Variants in NSD2 observed in about 807,000 individuals in gnomAD.
NSD2 encodes the protein histone-lysine N-methyltransferase NSD2.
NSD2 carries 12 observed loss-of-function variants against 139.0 expected under a neutral mutation model. The ratio of observed to expected loss-of-function variants is 0.09; its 90% CI spans 0.06 to 0.14. NSD2 has a LOEUF of 0.14. NSD2 is among the 10% of genes least tolerant of loss of function. The probability of loss-of-function intolerance (pLI) is 1.00; values close to 1 mark genes in which losing one functional copy is unlikely to be tolerated. For missense variants in NSD2, 1,155 were observed against 1,745.0 expected (o/e 0.66, Z 6.02); for synonymous variants, 669 against 648.7 (o/e 1.03, Z -0.48).
At chr4:1,969,314 C>T (rs1726196084) in intron 18 of NSD2, among the ~76,000 whole-genome samples, 1 of 152,178 alleles carries the variant, frequency 6.6e-6, no homozygotes, top group Admixed American at 6.5e-5. Flanking sequence ...AGGAGACCTC[C>T]ATCAAGCCGA....
intron 1 of NSD2, among the ~76,000 whole-genome samples, chr4:1,893,386 C>G (rs994988931): frequency 5.9e-5 from 9 of 152,232 alleles, no homozygotes; most frequent in African/African-American, 1.9e-4. Flanking sequence ...AGGAGAATCA[C>G]TTGAACCCAG....
chr4:1,885,450 A>G (rs1385529229), intron 1 of NSD2, among the ~76,000 whole-genome samples: 2 of 152,184 alleles, frequency 1.3e-5, no homozygotes, highest in African/African-American at 4.8e-5. Flanking sequence ...GGCCCTGGTC[A>G]TTCTTGTAAG....
chr4:1,886,094 G>A (rs974604838), intron 1 of NSD2, among the ~76,000 whole-genome samples: 3 of 152,342 alleles, frequency 2.0e-5, no homozygotes, highest in South Asian at 2.1e-4. Context: ...AAACTAAAGC[G>A]CGTCCATTGA....
At position 1,942,003 on chromosome 4, in the gene NSD2, C is replaced by G; in HGVS notation, c.1881+2225C>G. On this transcript the variant is annotated intron_variant, in intron 9 of 21. Transcript: ENST00000508803. This position sits in a 1 kb window ranked among gnomAD's most constrained non-coding sequence, Gnocchi z 4.0. ...GTTTGAGGTCCACACTGACACACACCCATTGGGTCACACCCCCTTTGCATG... is the reference window on the plus strand; with the variant it reads ...GTTTGAGGTCCACACTGACACACACGCATTGGGTCACACCCCCTTTGCATG... 1 of 1,128,730 alleles carries G rather than the reference C, an allele frequency of 8.9e-7. No homozygotes were observed. Among genetic ancestry groups the G allele is most frequent in the Non-Finnish European group, 1.1e-6 (1 of 917,054 alleles). The allele number at this position is 1,128,730 out of a possible 1,614,324, so 69.9% of individuals were successfully genotyped here.
In NSD2 at chr4:1,980,692, G is replaced by A. The variant is rs1264597536; in HGVS notation, c.*1783G>A. 1 of 232,968 alleles carries A rather than the reference G, an allele frequency of 4.3e-6. No individual in the cohort carries two copies. Among genetic ancestry groups the A allele is most frequent in the East Asian group, 6.0e-5 (1 of 16,574 alleles). 14.4% of individuals were successfully genotyped at this position (232,968 alleles called of 1,614,324 possible). Reference sequence around the variant, plus strand: ...TGGTGGCTGTCCCTTCTCCCATCAGGGTCCCCAGCAAAGTTAACTACACAG... The same window carrying A: ...TGGTGGCTGTCCCTTCTCCCATCAGAGTCCCCAGCAAAGTTAACTACACAG... On this transcript the variant is annotated 3_prime_UTR_variant, in exon 22 of 22. Transcript: ENST00000508803.
At chr4:1,886,282 C>T (rs1234324041) in intron 1 of NSD2, among the ~76,000 whole-genome samples, 1 of 152,180 alleles carries the variant, frequency 6.6e-6, no homozygotes, top group Admixed American at 6.5e-5. Context: ...TCTCAGTTCA[C>T]TGCAACCTCC....
intron 1 of NSD2, among the ~76,000 whole-genome samples, chr4:1,873,356 A>G (rs942372092): frequency 1.3e-5 from 2 of 152,214 alleles, no homozygotes; most frequent in Non-Finnish European, 2.9e-5. Context: ...ATGATGGACA[A>G]TTTATCGTAT....
intron 12 of NSD2, among the ~76,000 whole-genome samples, 180 bp downstream of exon 12, chr4:1,953,704 T>G (rs1724519183): frequency 6.6e-6 from 1 of 152,192 alleles, no homozygotes; most frequent in Non-Finnish European, 1.5e-5. Flanking sequence ...TCCCTTTTCC[T>G]TCTTTCCATC....
intron 6 of NSD2, among the ~76,000 whole-genome samples, chr4:1,933,739 C>T (rs954922101): frequency 3.9e-5 from 6 of 152,094 alleles, no homozygotes; most frequent in African/African-American, 1.4e-4. Context: ...ACCCTGAACC[C>T]CTCCGTAAAG....
At chr4:1,977,669 G>C (rs551734622) in intron 21 of NSD2, among the ~76,000 whole-genome samples, 1 of 151,926 alleles carries the variant, frequency 6.6e-6, no homozygotes, top group African/African-American at 2.4e-5. Context: ...CCAGCTATTC[G>C]GGAGGCTGAG....
At position 1,973,729 on chromosome 4, in the gene NSD2, G is replaced by C. The variant is rs1726744222; in HGVS notation, c.3373-1134G>C. On this transcript the variant is annotated intron_variant, in intron 18 of 21. Transcript: ENST00000508803. This position sits in a 1 kb window ranked among gnomAD's most constrained non-coding sequence, Gnocchi z 5.5. ...GTGTCAGAGGCCGCGTGTGAATAGT[G>C]ACTCCGAAGCCTGCCGCTTCCTGGG... 6.6e-6 allele frequency among the ~76,000 whole-genome samples: 1 copy of C among 152,244 alleles called. No individual in the cohort carries two copies. Among genetic ancestry groups the C allele is most frequent in the African/African-American group, 2.4e-5 (1 of 41,466 alleles).
At chr4:1,884,047 A>C (rs1288544772) in intron 1 of NSD2, among the ~76,000 whole-genome samples, 1 of 152,224 alleles carries the variant, frequency 6.6e-6, no homozygotes, top group Non-Finnish European at 1.5e-5. Context: ...GAAAACTTAC[A>C]AAATGAGACT....
chr4:1,945,283 G>A, intron 9 of NSD2: 2 of 1,066,276 alleles, frequency 1.9e-6, no homozygotes, highest in Non-Finnish European at 2.3e-6. Flanking sequence ...GACGTTAAGA[G>A]CTGAGCACAC....
At chr4:1,901,971 G>C (rs565197119) in intron 2 of NSD2, among the ~76,000 whole-genome samples, 1 of 152,276 alleles carries the variant, frequency 6.6e-6, no homozygotes, top group Non-Finnish European at 1.5e-5. Context: ...GTGGCACTCG[G>C]GATGGCCCTG....
Position 1,942,071 on chromosome 4 carries a change from A to G in NSD2, c.1881+2293A>G. On this transcript the variant is annotated intron_variant, in intron 9 of 21. Transcript: ENST00000508803. The surrounding 1 kb of genome is among the most constrained non-coding windows in gnomAD (Gnocchi z 4.0). ...TCATCACATTTGTTTGAAATAAGGTACTTTTATAGGGTTGGTATTTCAGAA... is the reference window on the plus strand; with the variant it reads ...TCATCACATTTGTTTGAAATAAGGTGCTTTTATAGGGTTGGTATTTCAGAA... The G allele has an allele frequency of 8.5e-7, 1 of 1,170,788 alleles. No individual in the cohort carries two copies. Among genetic ancestry groups the G allele is most frequent in the Admixed American group, 4.3e-5 (1 of 23,304 alleles). The allele number at this position is 1,170,788 out of a possible 1,614,324, so 72.5% of individuals were successfully genotyped here. A position where few individuals can be genotyped will look rare whatever the true frequency, so the allele number is the denominator to read the frequency against.
At chr4:1,917,435 A>T (rs1003513579) in intron 4 of NSD2, among the ~76,000 whole-genome samples, 2 of 152,086 alleles carry the variant, frequency 1.3e-5, no homozygotes, top group Admixed American at 1.3e-4. Context: ...TATTTCTATT[A>T]TTTTTTAAAA....
At chr4:1,965,528 A>G (rs1324419537) in intron 18 of NSD2, among the ~76,000 whole-genome samples, 1 of 152,228 alleles carries the variant, frequency 6.6e-6, no homozygotes, top group Non-Finnish European at 1.5e-5. Flanking sequence ...GAAGCTCAAT[A>G]AACTCCAGAT....
intron 1 of NSD2, among the ~76,000 whole-genome samples, chr4:1,872,593 A>T (rs199929737): frequency 0.041 from 2,997 of 72,634 alleles, 53 homozygotes; most frequent in African/African-American, 0.056. Flanking sequence ...TGTGTGTGTG[A>T]GAGAGAGAGA....
chr4:1,928,048 C>T (rs1721166156), intron 5 of NSD2, among the ~76,000 whole-genome samples: 1 of 151,868 alleles, frequency 6.6e-6, no homozygotes. Context: ...TGCCACCATA[C>T]CCAACTAATT....
Sources: allele counts gnomAD v4.1 joint callset (sites outside exome capture counted in the v4.1 genomes callset), GRCh38; gene constraint gnomAD v4.1.1; non-coding constraint Gnocchi (gnomAD v3.1); transcripts MANE v1.5; gene names NCBI Gene and HGNC (gene_info 2026-07-23, HGNC 2026-07-21).